FRAS1: variants seen among roughly 807,000 people sequenced by gnomAD.
FRAS1 encodes the protein extracellular matrix organizing protein FRAS1.
FRAS1 carries 290 observed loss-of-function variants against 435.2 expected under a neutral mutation model. That is an observed-to-expected ratio of 0.67 (90% confidence interval 0.61 to 0.73). The LOEUF (loss-of-function observed/expected upper bound fraction) is 0.73, where lower values mean the gene tolerates loss of function less well. Ranked by LOEUF, FRAS1 falls within the 30% of genes least tolerant of loss-of-function variation. The probability of loss-of-function intolerance (pLI) is 0.00; values close to 1 mark genes in which losing one functional copy is unlikely to be tolerated. For missense variants in FRAS1, 4,860 were observed against 5,001.5 expected (o/e 0.97, Z 0.85); for synonymous variants, 1,800 against 1,851.0 (o/e 0.97, Z 0.71).
At chr4:78,190,149 G>T (rs1722466148) in intron 2 of FRAS1, among the ~76,000 whole-genome samples, 2 of 152,086 alleles carry the variant, frequency 1.3e-5, no homozygotes. Flanking sequence ...CTTTACCTTG[G>T]TCTGCATCTT....
chr4:78,245,356 G>A lies in FRAS1; in HGVS notation c.309+31G>A, dbSNP rs190191876. The A allele has an allele frequency of 2.1e-4, 290 of 1,407,900 alleles. 2 individuals carry two copies. Among genetic ancestry groups the A allele is most frequent in the Middle Eastern group, 1.6e-3 (9 of 5,644 alleles). 87.2% of individuals were successfully genotyped at this position (1,407,900 alleles called of 1,614,324 possible). ...TGTTTTCTGACTCACGGTTGATTCT[G>A]TGTCTGCAGATCTCTGACAAGGGAA... On this transcript the variant is annotated intron_variant, in intron 4 of 73. Coordinates refer to ENST00000512123, the MANE Select transcript of FRAS1 (RefSeq NM_025074.7).
Position 78,541,257 on chromosome 4 carries a change from C to T in FRAS1, c.*133C>T. ...AGTGGCAGACAGCACACATCACATG[C>T]ATCAACTCACAACTGAGCTACCTCA... On this transcript the variant is annotated 3_prime_UTR_variant, in exon 74 of 74. Coordinates refer to ENST00000512123, the MANE Select transcript of FRAS1 (RefSeq NM_025074.7). The T allele has an allele frequency of 2.1e-6, 1 of 481,976 alleles. No homozygotes were observed. Among genetic ancestry groups the T allele is most frequent in the South Asian group, 7.8e-5 (1 of 12,826 alleles). 29.9% of individuals were successfully genotyped at this position (481,976 alleles called of 1,614,324 possible).
chr4:78,217,363 A>G (rs1273508423), intron 2 of FRAS1, among the ~76,000 whole-genome samples: 2 of 152,126 alleles, frequency 1.3e-5, no homozygotes, highest in Non-Finnish European at 2.9e-5. Flanking sequence ...GACACATAAA[A>G]TTAACCATGA....
chr4:78,272,883 A>T (rs992906638), intron 9 of FRAS1, among the ~76,000 whole-genome samples: 33 of 152,240 alleles, frequency 2.2e-4, no homozygotes, highest in African/African-American at 7.9e-4. Context: ...GCTGGCATTG[A>T]ATCTATAAAT....
rs570476744 is a variant in FRAS1 at position 78,421,440 on chromosome 4, G to A, written c.4541-423G>A. Among the ~76,000 whole-genome samples the A allele has an allele frequency of 3.3e-5, 5 of 152,188 alleles. No homozygotes were observed. In the South Asian group the frequency reaches 8.3e-4, roughly 25 times the overall value. On this transcript the variant is annotated intron_variant, in intron 33 of 73. Coordinates refer to ENST00000512123, the MANE Select transcript of FRAS1 (RefSeq NM_025074.7). Reference sequence around the variant, plus strand: ...TGGGATTATGGGCATGAGCCACCACGCCCAGCCTCCCTGCCTTATATTCTA... The same window carrying A: ...TGGGATTATGGGCATGAGCCACCACACCCAGCCTCCCTGCCTTATATTCTA...
chr4:78,163,671 G>T (rs2110027568), intron 2 of FRAS1, among the ~76,000 whole-genome samples: 1 of 152,266 alleles, frequency 6.6e-6, no homozygotes, highest in South Asian at 2.1e-4. Flanking sequence ...CCCATACTGG[G>T]GCTGATCTAT....
intron 20 of FRAS1, 75 bp downstream of exon 20, chr4:78,337,892 G>C: frequency 6.8e-7 from 1 of 1,471,746 alleles, no homozygotes; most frequent in Non-Finnish European, 9.5e-7. Context: ...GCTTAAGGGG[G>C]CTCTTTGTCC....
intron 18 of FRAS1, chr4:78,319,462 T>G: frequency 2.2e-6 from 1 of 456,690 alleles, no homozygotes; most frequent in Non-Finnish European, 4.4e-6. Context: ...ATAATTTGAC[T>G]CAATAGCCAG....
In FRAS1 at chr4:78,117,032, A is replaced by G. The variant is rs1002166898; in HGVS notation, c.108+51016A>G. Among the ~76,000 whole-genome samples, 10 of 152,334 alleles carry G rather than the reference A, an allele frequency of 6.6e-5. No homozygotes were observed. The South Asian group carries it at 2.1e-3, about 32-fold the overall frequency. On this transcript the variant is annotated intron_variant, in intron 2 of 73. Transcript: ENST00000512123. The stretch of plus-strand genomic sequence containing the variant: ...TTCTTTTAGGGCAGGCCTGGTGGCG[A>G]CAAAATCTCTCAGCATTTGTTTGTC...
At chr4:78,133,244 C>T (rs545090351) in intron 2 of FRAS1, among the ~76,000 whole-genome samples, 13 of 152,080 alleles carry the variant, frequency 8.5e-5, no homozygotes, top group South Asian at 4.1e-4. Flanking sequence ...GGTCATTATG[C>T]GGTGTAAAAT....
intron 14 of FRAS1, among the ~76,000 whole-genome samples, chr4:78,294,273 T>C (rs1001669829): frequency 6.6e-6 from 1 of 152,176 alleles, no homozygotes; most frequent in Non-Finnish European, 1.5e-5. Flanking sequence ...TTGTTTTGGT[T>C]TGCGGTCCCG....
At chr4:78,322,685 A>G (rs565042746) in intron 18 of FRAS1, among the ~76,000 whole-genome samples, 2 of 152,190 alleles carry the variant, frequency 1.3e-5, no homozygotes, top group Non-Finnish European at 2.9e-5. Flanking sequence ...AATACTACAG[A>G]TATTTAACTA....
chr4:78,515,763 C>T, intron 65 of FRAS1, 36 bp from the exon 66 acceptor site: 1 of 1,600,778 alleles, frequency 6.2e-7, no homozygotes. Flanking sequence ...CATCCACAAA[C>T]CAAGTTATCG....
At chr4:78,510,730 G>T (rs1450943063) in intron 63 of FRAS1, among the ~76,000 whole-genome samples, 1 of 152,182 alleles carries the variant, frequency 6.6e-6, no homozygotes, top group Admixed American at 6.5e-5. Flanking sequence ...AGACTAGAAG[G>T]TGTCAGAGGC....
chr4:78,275,319 A>C (rs565847595), intron 9 of FRAS1, among the ~76,000 whole-genome samples: 1 of 152,182 alleles, frequency 6.6e-6, no homozygotes, highest in African/African-American at 2.4e-5. Flanking sequence ...TTTACATTTA[A>C]GGTTAATATT....
At chr4:78,312,440 C>T (rs920658289) in intron 15 of FRAS1, among the ~76,000 whole-genome samples, 1 of 151,854 alleles carries the variant, frequency 6.6e-6, no homozygotes, top group Non-Finnish European at 1.5e-5. Context: ...TAGTATGTCT[C>T]AATATCTGAT....
At position 78,267,466 on chromosome 4, in the gene FRAS1, G is replaced by A. The variant is rs377479880; in HGVS notation, c.981+34G>A. 57 of 1,595,170 alleles carry A rather than the reference G, an allele frequency of 3.6e-5. No individual in the cohort carries two copies. The Middle Eastern group carries it at 5.0e-4, about 14-fold the overall frequency. ...CAGGGGCATTTCCATTTGGAACGTT[G>A]CAGCTCTTTCCAACGGGATAGTGAG... On this transcript the variant is annotated intron_variant, in intron 9 of 73. Coordinates refer to ENST00000512123, the MANE Select transcript of FRAS1 (RefSeq NM_025074.7).
intron 9 of FRAS1, among the ~76,000 whole-genome samples, chr4:78,268,322 G>T (rs1027205084): frequency 6.6e-6 from 1 of 152,174 alleles, no homozygotes; most frequent in Non-Finnish European, 1.5e-5. Flanking sequence ...GTCATCGGCA[G>T]GGTTATTTTT....
chr4:78,210,174 C>T (rs1178534507), intron 2 of FRAS1, among the ~76,000 whole-genome samples: 1 of 152,192 alleles, frequency 6.6e-6, no homozygotes, highest in Non-Finnish European at 1.5e-5. Context: ...CCTCCTTCCC[C>T]CTTCCCTAGC....
Sources: gnomAD v4.1 joint callset for allele counts (sites outside exome capture counted in the v4.1 genomes callset) on GRCh38, gnomAD v4.1.1 for gene constraint, MANE v1.5 for transcripts, NCBI Gene and HGNC (gene_info 2026-07-23, HGNC 2026-07-21) for gene names.